The following SMIM27 variants were observed in gnomAD, a reference collection of about 807,000 sequenced individuals.
SMIM27 encodes transition zone microprotein 1, also known as TOPORS antisense RNA 1 (non-protein coding).
Under a neutral mutation model 1.8 loss-of-function variants are expected in SMIM27, and 3 were observed. That is an observed-to-expected ratio of 1.65 (90% CI 0.75 to 4.28). The LOEUF (loss-of-function observed/expected upper bound fraction) is 4.28. SMIM27 is among the 30% of genes most tolerant of loss of function. The pLI is 0.02. For missense variants in SMIM27, 63 were observed against 37.0 expected (o/e 1.70, Z -1.83); for synonymous variants, 19 against 13.9 (o/e 1.37, Z -0.82).
chr9:32,557,741 T>A (rs1821507703), downstream of SMIM27, among the ~76,000 whole-genome samples: 1 of 152,098 alleles, frequency 6.6e-6, no homozygotes, highest in Non-Finnish European at 1.5e-5. Context: ...CCTCCCAAAG[T>A]GCTGGGATTA....
chr9:32,554,792 G>T (rs1587633918), downstream of SMIM27, among the ~76,000 whole-genome samples: 1 of 152,204 alleles, frequency 6.6e-6, no homozygotes, highest in South Asian at 2.1e-4. Flanking sequence ...TCAAGCTATA[G>T]GGCACTGGCT....
chr9:32,566,680 C>T, exon 2 of SMIM27: 1 of 821,648 alleles, frequency 1.2e-6, no homozygotes, highest in Non-Finnish European at 2.2e-6. Flanking sequence ...ATCCGGCTTT[C>T]ACAGCTGTAT....
intron 1 of SMIM27, among the ~76,000 whole-genome samples, chr9:32,561,831 C>T (rs113351117): frequency 0.025 from 3,756 of 152,266 alleles, 147 homozygotes; most frequent in African/African-American, 0.084. Flanking sequence ...GCTATCTTCA[C>T]CCTAACCAGA....
chr9:32,556,846 C>CTTTTTTTT (rs10703297), downstream of SMIM27, among the ~76,000 whole-genome samples: 1 of 82,338 alleles, frequency 1.2e-5, no homozygotes, highest in Non-Finnish European at 2.3e-5. Flanking sequence ...AAATCCCCTA[C>CTTTTTTTT]TTTTTTTTTT....
intron 1 of SMIM27, among the ~76,000 whole-genome samples, chr9:32,562,323 G>A (rs988473865): frequency 4.6e-5 from 7 of 152,076 alleles, no homozygotes; most frequent in Non-Finnish European, 8.8e-5. Flanking sequence ...GTTAATCAAG[G>A]GGCTTAATCT....
chr9:32,557,195 C>CA, downstream of SMIM27, among the ~76,000 whole-genome samples: 1 of 133,106 alleles, frequency 7.5e-6, no homozygotes. Context: ...GACAGAGTCT[C>CA]ACTCTGTGAC....
At chr9:32,551,783 T>G, upstream of SMIM27, 1 of 453,226 alleles carries the variant, frequency 2.2e-6, no homozygotes, top group South Asian at 1.6e-5. Context: ...CAAACACTTG[T>G]TGCTTGACTG....
intron 1 of SMIM27, among the ~76,000 whole-genome samples, chr9:32,558,326 T>C (rs936309834): frequency 2.0e-5 from 3 of 152,284 alleles, no homozygotes; most frequent in Non-Finnish European, 2.9e-5. Flanking sequence ...TTAGCCAGAA[T>C]GGTCTCGATC....
intron 1 of SMIM27, among the ~76,000 whole-genome samples, chr9:32,558,377 C>T (rs946802344): frequency 6.6e-6 from 1 of 152,152 alleles, no homozygotes; most frequent in African/African-American, 2.4e-5. Context: ...TCCCAAAGTG[C>T]TGGGATTACA....
In SMIM27 at chr9:32,563,491, C is replaced by CTTTTTTTTTTTTTTTTTTTTTT. The variant is rs111646430; in HGVS notation, c.46-2887_46-2886insTTTTTTTTTTTTTTTTTTTTTT. On this transcript the variant is annotated intron_variant, in intron 1 of 1. Transcript: ENST00000451672. ...CTCCTGAACAGGTGGGACTATTGGG[C>CTTTTTTTTTTTTTTTTTTTTTT]TTTTTTTTTTTTTGGAGGGATGGGG... 2.4e-4 allele frequency among the ~76,000 whole-genome samples: 22 copies of CTTTTTTTTTTTTTTTTTTTTTT among 91,978 alleles called. 2 individuals carry two copies. The highest frequency in any genetic ancestry group is 8.4e-4 in the African/African-American group (19 of 22,572). 60.3% of individuals were successfully genotyped at this position (91,978 alleles called of 152,430 possible). A position where few individuals can be genotyped will look rare whatever the true frequency, so the allele number is the denominator to read the frequency against.
chr9:32,562,803 A>G (rs1482962184), intron 1 of SMIM27, among the ~76,000 whole-genome samples: 1 of 152,234 alleles, frequency 6.6e-6, no homozygotes, highest in African/African-American at 2.4e-5. Flanking sequence ...GTTTGGACTT[A>G]TCAGAAAATC....
downstream of SMIM27, chr9:32,553,227 C>T (rs1338101623): frequency 2.2e-5 from 5 of 225,934 alleles, no homozygotes; most frequent in Non-Finnish European, 2.6e-5. Context: ...CGGAGTCTTG[C>T]TCTGTCGCCC....
intron 1 of SMIM27, chr9:32,565,741 G>A (rs976341661): frequency 6.5e-5 from 10 of 153,810 alleles, no homozygotes; most frequent in African/African-American, 1.9e-4. Context: ...GTAGGCCGAG[G>A]CAGGTGGATC....
chr9:32,563,488 G>A (rs1388889507), intron 1 of SMIM27, among the ~76,000 whole-genome samples: 4 of 52,196 alleles, frequency 7.7e-5, no homozygotes, highest in Non-Finnish European at 1.8e-4. Flanking sequence ...TGGGACTATT[G>A]GGCTTTTTTT....
chr9:32,565,457 G>A (rs2119024186), intron 1 of SMIM27: 1 of 152,350 alleles, frequency 6.6e-6, no homozygotes, highest in East Asian at 1.9e-4. Context: ...GCAGACAGCT[G>A]ATGCATAAAC....
chr9:32,555,654 A>C (rs1821435637), downstream of SMIM27, among the ~76,000 whole-genome samples: 1 of 152,246 alleles, frequency 6.6e-6, no homozygotes, highest in African/African-American at 2.4e-5. Flanking sequence ...TCCTGCCAGA[A>C]TGTTTGAAAT....
chr9:32,565,642 A>G (rs1392087845), intron 1 of SMIM27: 1 of 152,908 alleles, frequency 6.5e-6, no homozygotes, highest in African/African-American at 2.4e-5. Context: ...AGTACCCCAA[A>G]GTTGTCCTCT....
chr9:32,565,849 G>C (rs1023581138), intron 1 of SMIM27, among the ~76,000 whole-genome samples: 2 of 152,206 alleles, frequency 1.3e-5, no homozygotes, highest in African/African-American at 4.8e-5. Flanking sequence ...GCACATACCT[G>C]TAATCCTAGC....
upstream of SMIM27, chr9:32,552,193 G>C (rs1435839094): frequency 3.9e-6 from 2 of 512,698 alleles, no homozygotes. Context: ...AAAAAAAAAA[G>C]CAATTTTTAA....
Sources: gnomAD v4.1 joint callset for allele counts (sites outside exome capture counted in the v4.1 genomes callset) on GRCh38, gnomAD v4.1.1 for gene constraint, MANE v1.5 for transcripts, NCBI Gene and HGNC (gene_info 2026-07-23, HGNC 2026-07-21) for gene names.